SPATS2L: variants seen among roughly 807,000 people sequenced by gnomAD.
The protein encoded by SPATS2L is SPATS2-like protein.
Under a neutral mutation model 59.6 loss-of-function variants are expected in SPATS2L, and 30 were observed. That is an observed-to-expected ratio of 0.50 (90% confidence interval 0.38 to 0.68). The LOEUF (loss-of-function observed/expected upper bound fraction) is 0.68, where lower values mean the gene tolerates loss of function less well. Ranked by LOEUF, SPATS2L falls within the 30% of genes least tolerant of loss-of-function variation. The probability of loss-of-function intolerance (pLI) is 0.00; values close to 1 mark genes in which losing one functional copy is unlikely to be tolerated. For missense variants in SPATS2L, 615 were observed against 700.0 expected (o/e 0.88, Z 1.37); for synonymous variants, 252 against 263.5 (o/e 0.96, Z 0.42).
chr2:200,439,407 A>G, intron 7 of SPATS2L, 79 bp downstream of exon 7: 1 of 1,220,198 alleles, frequency 8.2e-7, no homozygotes, highest in Non-Finnish European at 1.2e-6. Context: ...GAACTTTCCA[A>G]AAGATGCTGC....
At chr2:200,352,313 T>TTA (rs869105613) in intron 2 of SPATS2L, among the ~76,000 whole-genome samples, 1 of 8,650 alleles carries the variant, frequency 1.2e-4, no homozygotes, top group African/African-American at 1.6e-4. Flanking sequence ...CCAGCAGTTT[T>TTA]TATATATATA....
intron 4 of SPATS2L, among the ~76,000 whole-genome samples, chr2:200,415,633 G>A (rs906569057): frequency 3.3e-5 from 5 of 151,926 alleles, no homozygotes; most frequent in Non-Finnish European, 7.4e-5. Flanking sequence ...GCTGGCCAGC[G>A]ATAAAACATT....
chr2:200,406,762 A>C (rs1027996466), intron 3 of SPATS2L, among the ~76,000 whole-genome samples: 1 of 152,320 alleles, frequency 6.6e-6, no homozygotes, highest in Non-Finnish European at 1.5e-5. Flanking sequence ...GGCAGTGACC[A>C]TATCTGTTTT....
intron 9 of SPATS2L, among the ~76,000 whole-genome samples, chr2:200,466,726 A>G (rs904793595): frequency 3.3e-5 from 5 of 152,236 alleles, no homozygotes; most frequent in Non-Finnish European, 7.3e-5. Context: ...GAATGGAAAC[A>G]TATCTGCAGA....
At position 200,480,444 on chromosome 2, in the gene SPATS2L, A is replaced by G. The variant is rs1305203604; in HGVS notation, c.*2413A>G. On this transcript the variant is annotated 3_prime_UTR_variant, in exon 13 of 13. Coordinates refer to ENST00000409140, the MANE Select transcript of SPATS2L (RefSeq NM_001100423.2). ...ATCACCTAGGCTGGAGTGCATGATC[A>G]TGGCTCACTATAGCCTTGAACTCCT... 1 of 147,690 alleles carries G rather than the reference A, an allele frequency of 6.8e-6. No homozygotes were observed. The highest frequency in any genetic ancestry group is 1.5e-5 in the Non-Finnish European group (1 of 67,716). The allele number at this position is 147,690 out of a possible 1,614,324, so 9.1% of individuals were successfully genotyped here. A position where few individuals can be genotyped will look rare whatever the true frequency, so the allele number is the denominator to read the frequency against.
At chr2:200,368,036 A>G (rs1348556620) in intron 2 of SPATS2L, among the ~76,000 whole-genome samples, 1 of 152,260 alleles carries the variant, frequency 6.6e-6, no homozygotes, top group Non-Finnish European at 1.5e-5. Flanking sequence ...GCCCTAAGAA[A>G]AGAAGTTGAT....
chr2:200,337,750 A>G (rs945827153), intron 2 of SPATS2L, among the ~76,000 whole-genome samples: 5 of 152,176 alleles, frequency 3.3e-5, no homozygotes, highest in Admixed American at 6.5e-5. Flanking sequence ...TCCTTGATGC[A>G]CAAGCTGATG....
intron 2 of SPATS2L, among the ~76,000 whole-genome samples, chr2:200,345,250 G>A (rs2080472328): frequency 6.6e-6 from 1 of 152,016 alleles, no homozygotes; most frequent in South Asian, 2.1e-4. Context: ...TTTTATATAT[G>A]GTGTAAGAAA....
intron 2 of SPATS2L, chr2:200,378,274 G>T (rs565125167): frequency 2.0e-6 from 2 of 1,002,520 alleles, no homozygotes; most frequent in South Asian, 9.4e-5. Flanking sequence ...TGATAAAGGT[G>T]GCCAGTGGGG....
At chr2:200,472,484 A>C (rs966374593) in intron 11 of SPATS2L, among the ~76,000 whole-genome samples, 2 of 152,204 alleles carry the variant, frequency 1.3e-5, no homozygotes, top group Admixed American at 6.5e-5. Flanking sequence ...GTACATTTGC[A>C]GACAGGGCCA....
At chr2:200,471,116 A>C (rs2086996863) in intron 11 of SPATS2L, among the ~76,000 whole-genome samples, 5 of 152,226 alleles carry the variant, frequency 3.3e-5, no homozygotes, top group Admixed American at 3.3e-4. Context: ...CAGTCAGTGG[A>C]GATCGCACCA....
chr2:200,384,527 T>G (rs1490265705), intron 2 of SPATS2L, among the ~76,000 whole-genome samples: 3 of 152,180 alleles, frequency 2.0e-5, no homozygotes, highest in Admixed American at 1.3e-4. Flanking sequence ...TAATTTTCTG[T>G]ATTTTTAGTA....
At chr2:200,456,554 G>A (rs2085847793) in intron 8 of SPATS2L, among the ~76,000 whole-genome samples, 1 of 152,186 alleles carries the variant, frequency 6.6e-6, no homozygotes, top group Non-Finnish European at 1.5e-5. Flanking sequence ...TGTCCATCTT[G>A]TAAATTCTCT....
intron 3 of SPATS2L, among the ~76,000 whole-genome samples, chr2:200,391,356 A>T (rs548953172): frequency 6.6e-6 from 1 of 152,378 alleles, no homozygotes; most frequent in Non-Finnish European, 1.5e-5. Context: ...ATAGAGAAGT[A>T]CATATATTAC....
chr2:200,403,048 G>A (rs1196027760), intron 3 of SPATS2L, among the ~76,000 whole-genome samples: 1 of 152,188 alleles, frequency 6.6e-6, no homozygotes, highest in African/African-American at 2.4e-5. Flanking sequence ...CACAAGTAAA[G>A]GCCCGGGGAC....
chr2:200,350,369 A>G (rs1256964701), intron 2 of SPATS2L, among the ~76,000 whole-genome samples: 2 of 152,020 alleles, frequency 1.3e-5, no homozygotes, highest in Non-Finnish European at 2.9e-5. Context: ...TTGGGCTTAT[A>G]CCTTTTAAAA....
intron 3 of SPATS2L, among the ~76,000 whole-genome samples, chr2:200,394,194 A>G (rs536003004): frequency 5.9e-5 from 9 of 152,220 alleles, no homozygotes; most frequent in Non-Finnish European, 8.8e-5. Context: ...CATAACATAC[A>G]TCCCCTGCAT....
intron 3 of SPATS2L, chr2:200,393,048 A>G (rs1402585978): frequency 2.9e-6 from 1 of 349,870 alleles, no homozygotes; most frequent in African/African-American, 2.1e-5. Flanking sequence ...TTCTTCATAT[A>G]ATGTCTGAAC....
At chr2:200,393,145 C>T (rs1230742885) in intron 3 of SPATS2L, 1 of 453,420 alleles carries the variant, frequency 2.2e-6, no homozygotes, top group African/African-American at 2.0e-5. Context: ...GGATTGGCAG[C>T]CCCTTTCCTA....
Sources: allele counts gnomAD v4.1 joint callset (sites outside exome capture counted in the v4.1 genomes callset), GRCh38; gene constraint gnomAD v4.1.1; transcripts MANE v1.5; gene names NCBI Gene and HGNC (gene_info 2026-07-23, HGNC 2026-07-21).